The following CNRIP1 variants were observed in gnomAD, a reference collection of about 807,000 sequenced individuals.
CNRIP1 encodes the protein cannabinoid receptor interacting protein 1.
A neutral mutation model predicts 15.2 loss-of-function variants in CNRIP1; 10 were observed. The ratio of observed to expected loss-of-function variants is 0.66; its 90% CI spans 0.41 to 1.12. The LOEUF is 1.12. Ranked by LOEUF, CNRIP1 falls within the 50% of genes most tolerant of loss-of-function variation. CNRIP1 has a pLI of 0.00. For synonymous variants in CNRIP1, 91 were observed against 83.2 expected (o/e 1.09, Z -0.51); for missense variants, 211 against 214.7 (o/e 0.98, Z 0.11).
chr2:68,314,360 GTT>G (rs1419488201), intron 2 of CNRIP1, among the ~76,000 whole-genome samples: 6 of 152,126 alleles, frequency 3.9e-5, no homozygotes, highest in African/African-American at 1.4e-4. Flanking sequence ...AATAATACAT[GTT>G]TAAGTAGGGC....
Position 68,293,194 on chromosome 2 carries a change from T to C in CNRIP1, c.*668A>G, listed in dbSNP as rs1671222783. The C allele has an allele frequency of 1.0e-6, 1 of 985,486 alleles. No homozygotes were observed. The highest frequency in any genetic ancestry group is 1.2e-6 in the Non-Finnish European group (1 of 829,962). 61.0% of individuals were successfully genotyped at this position (985,486 alleles called of 1,614,324 possible). On this transcript the variant is annotated 3_prime_UTR_variant, in exon 3 of 3. Transcript: ENST00000263655. ...TTTAACAATGGTCCACAGCAATGCT[T>C]TTCCCCCATTTCTACTAGGCTAGGC...
intron 2 of CNRIP1, among the ~76,000 whole-genome samples, chr2:68,311,987 T>G (rs1338541614): frequency 6.6e-6 from 1 of 152,058 alleles, no homozygotes; most frequent in Non-Finnish European, 1.5e-5. Context: ...TTAACGAAAT[T>G]GAATTTGTAA....
At chr2:68,308,841 A>G (rs1249598545) in intron 2 of CNRIP1, among the ~76,000 whole-genome samples, 2 of 152,090 alleles carry the variant, frequency 1.3e-5, no homozygotes, top group Non-Finnish European at 2.9e-5. Flanking sequence ...CTAGATGAAC[A>G]AGAGAGATGC....
downstream of CNRIP1, among the ~76,000 whole-genome samples, chr2:68,289,251 C>T (rs1050382859): frequency 6.6e-6 from 1 of 152,014 alleles, no homozygotes; most frequent in Non-Finnish European, 1.5e-5. Flanking sequence ...CTTAAGATGG[C>T]TGTTTGTGGA....
chr2:68,315,180 C>A (rs972449037), intron 2 of CNRIP1, among the ~76,000 whole-genome samples: 1 of 151,832 alleles, frequency 6.6e-6, no homozygotes, highest in Non-Finnish European at 1.5e-5. Flanking sequence ...TACACTTAAG[C>A]AGAAAAATGG....
In CNRIP1 at chr2:68,319,635, C is replaced by A. The variant is rs1041242205; in HGVS notation, c.-235G>T. On this transcript the variant is annotated 5_prime_UTR_variant, in exon 1 of 3. Coordinates refer to ENST00000263655, the MANE Select transcript of CNRIP1 (RefSeq NM_015463.3). ...TCGGCGAGGAAGCGGGCCCAAGAGA[C>A]GGCTCCAAGGCCGCGCGCTTCCCCA... 1.2e-5 allele frequency: 6 copies of A among 493,634 alleles called. No homozygotes were observed. Among genetic ancestry groups the A allele is most frequent in the Non-Finnish European group, 2.1e-5 (6 of 280,910 alleles). The allele number at this position is 493,634 out of a possible 1,614,324, so 30.6% of individuals were successfully genotyped here.
chr2:68,319,356 G>A lies in CNRIP1; in HGVS notation c.45C>T (p.Arg15=), dbSNP rs201036135. The A allele has an allele frequency of 1.3e-6, 2 of 1,584,462 alleles. No individual in the cohort carries two copies. The highest frequency in any genetic ancestry group is 1.7e-6 in the Non-Finnish European group (2 of 1,166,136). ...PGLVRLSIAL[R]IQPNDGPVFY... is the part of the protein sequence containing the mutation. ...AGACCGGGCCGTCATTAGGCTGGATGCGCAGCGCGATGGAGAGGCGCACGA... is the reference window on the plus strand; with the variant it reads ...AGACCGGGCCGTCATTAGGCTGGATACGCAGCGCGATGGAGAGGCGCACGA... Residue 15 remains arginine (R), a synonymous_variant, in exon 1 of 3, where the codon CGC becomes CGT. Coordinates refer to ENST00000263655, the MANE Select transcript of CNRIP1 (RefSeq NM_015463.3).
chr2:68,305,274 ATGTGTGTGTGTG>A (rs10601379), intron 2 of CNRIP1, among the ~76,000 whole-genome samples: 1,264 of 120,630 alleles, frequency 0.01, 18 homozygotes, highest in Admixed American at 0.026. Flanking sequence ...ATATATATAT[ATGTGTGTGTGTG>A]TGTGTGTGTG....
At chr2:68,304,479 G>A (rs1256232823) in intron 2 of CNRIP1, among the ~76,000 whole-genome samples, 3 of 152,032 alleles carry the variant, frequency 2.0e-5, no homozygotes, top group Non-Finnish European at 2.9e-5. Flanking sequence ...AAGGTCTGCG[G>A]TCCCTAACTG....
rs772275382 is a variant in CNRIP1, at chr2:68,293,176, A to G, written c.*686T>C. 2.9e-5 allele frequency: 29 copies of G among 985,524 alleles called. No homozygotes were observed. Among genetic ancestry groups the G allele is most frequent in the Non-Finnish European group, 3.3e-5 (27 of 829,964 alleles). The allele number at this position is 985,524 out of a possible 1,614,324, so 61.0% of individuals were successfully genotyped here. ...CCCTACAACTCCTGTCACTTTAACA[A>G]TGGTCCACAGCAATGCTTTTCCCCC... On this transcript the variant is annotated 3_prime_UTR_variant, in exon 3 of 3. Coordinates refer to ENST00000263655, the MANE Select transcript of CNRIP1 (RefSeq NM_015463.3).
intron 2 of CNRIP1, among the ~76,000 whole-genome samples, chr2:68,304,937 TTATG>T (rs1218842368): frequency 1.3e-5 from 2 of 152,160 alleles, no homozygotes; most frequent in African/African-American, 4.8e-5. Flanking sequence ...CATTTCAAAC[TTATG>T]TATTAAAAAA....
At chr2:68,317,444 A>G (rs1672318708) in intron 1 of CNRIP1, 137 bp from the exon 2 acceptor site, 1 of 829,050 alleles carries the variant, frequency 1.2e-6, no homozygotes, top group African/African-American at 1.7e-5. Context: ...AAGTTCTGCA[A>G]GTTCAGGGGG....
downstream of CNRIP1, among the ~76,000 whole-genome samples, chr2:68,290,703 A>G (rs1241864638): frequency 6.6e-6 from 1 of 152,210 alleles, no homozygotes; most frequent in Non-Finnish European, 1.5e-5. Flanking sequence ...AGGCCTTGGG[A>G]GAAGACCCGA....
chr2:68,305,944 C>G (rs1671825548), intron 2 of CNRIP1, among the ~76,000 whole-genome samples: 1 of 151,372 alleles, frequency 6.6e-6, no homozygotes, highest in African/African-American at 2.4e-5. Flanking sequence ...GACTGAGCAA[C>G]ATAGCAAGAC....
intron 2 of CNRIP1, among the ~76,000 whole-genome samples, chr2:68,304,401 C>CAA (rs34952922): frequency 0.19 from 27,823 of 148,114 alleles, 3,266 homozygotes; most frequent in East Asian, 0.58. Context: ...GACTCCATCT[C>CAA]AAAAAAAAAA....
intron 2 of CNRIP1, among the ~76,000 whole-genome samples, chr2:68,294,394 C>A (rs1671271263): frequency 6.6e-6 from 1 of 152,162 alleles, no homozygotes; most frequent in African/African-American, 2.4e-5. Context: ...TGGCCAGGTG[C>A]AGTGGTTCAC....
chr2:68,318,971 T>G (rs550556872), intron 1 of CNRIP1, among the ~76,000 whole-genome samples: 1 of 152,316 alleles, frequency 6.6e-6, no homozygotes, highest in East Asian at 1.9e-4. Context: ...CCCTGGCTTC[T>G]TGTCACTGAT....
intron 2 of CNRIP1, among the ~76,000 whole-genome samples, chr2:68,314,548 GAC>G (rs1449415137): frequency 1.3e-5 from 2 of 151,802 alleles, no homozygotes; most frequent in African/African-American, 4.8e-5. Flanking sequence ...GAAAAAAAAA[GAC>G]AGTTATATTC....
At chr2:68,314,136 AT>A (rs1672191780) in intron 2 of CNRIP1, among the ~76,000 whole-genome samples, 1 of 152,088 alleles carries the variant, frequency 6.6e-6, no homozygotes, top group African/African-American at 2.4e-5. Context: ...CATATTAGCA[AT>A]TATTTACCTT....
Sources: allele counts gnomAD v4.1 joint callset (sites outside exome capture counted in the v4.1 genomes callset), GRCh38; gene constraint gnomAD v4.1.1; transcripts MANE v1.5; gene names NCBI Gene and HGNC (gene_info 2026-07-23, HGNC 2026-07-21).